Variants in COG8 observed in about 807,000 individuals in gnomAD.
COG8 encodes conserved oligomeric Golgi complex subunit 8.
In COG8, 45 loss-of-function variants were observed where a neutral mutation model predicts 46.5. The observed-to-expected ratio is 0.97, with a 90% CI of 0.76 to 1.24. COG8 has a LOEUF of 1.24. Ranked by LOEUF, COG8 falls within the 50% of genes most tolerant of loss-of-function variation. The pLI, the probability that COG8 is intolerant of heterozygous loss-of-function variation, is 0.00. For synonymous variants in COG8, 407 were observed against 347.8 expected, an observed-to-expected ratio of 1.17 and a Z score of -1.90; for missense variants, 793 against 820.8, an observed-to-expected ratio of 0.97 and a Z score of 0.41.
Position 69,330,865 on chromosome 16 carries a change from C to A in COG8, c.1813G>T (p.Ala605Ser). The A allele has an allele frequency of 6.5e-7, 1 of 1,543,704 alleles. No homozygotes were observed. Among genetic ancestry groups the A allele is most frequent in the Non-Finnish European group, 8.7e-7 (1 of 1,145,492 alleles). ...TAGGGCCCCACGCTGGGCGGTTCGGCCTGCGTCTCCGCTCGCCCTCCCTCC... is the reference window on the plus strand; with the variant it reads ...TAGGGCCCCACGCTGGGCGGTTCGGACTGCGTCTCCGCTCGCCCTCCCTCC... Reference protein sequence around the residue: ...CPEGGRAETQAEPPSVGP With the variant: ...CPEGGRAETQSEPPSVGP The change falls in exon 5 of 6, where the codon GCC becomes TCC. Residue 605 changes from alanine to serine, a missense_variant. Coordinates refer to ENST00000306875, the MANE Select transcript of COG8 (RefSeq NM_032382.5).
At position 69,330,891 on chromosome 16, in the gene COG8, G is replaced by A. The variant is rs1452062832; in HGVS notation, c.1787C>T (p.Pro596Leu). ...PRLEPAGPAC[P>L]EGGRAETQAE... ...CTGCGTCTCCGCTCGCCCTCCCTCCGGGCAGGCTGGGCCCGCGGGCTCCAG... is the reference window on the plus strand; with the variant it reads ...CTGCGTCTCCGCTCGCCCTCCCTCCAGGCAGGCTGGGCCCGCGGGCTCCAG... Residue 596 changes from proline (P) to leucine (L), a missense_variant, in exon 5 of 6, where the codon CCG becomes CTG. Physicochemically the swap from Pro to Leu is moderately conservative, Grantham distance 98. Transcript: ENST00000306875. 8 of 1,549,422 alleles carry A rather than the reference G, an allele frequency of 5.2e-6. No individual in the cohort carries two copies. The highest frequency in any genetic ancestry group is 1.2e-5 in the South Asian group (1 of 84,222).
At position 69,330,354 on chromosome 16, in the gene COG8, G is replaced by A. The variant is rs1046093512; in HGVS notation, c.*26+459C>T. The A allele has an allele frequency of 1.1e-5, 16 of 1,474,992 alleles. No individual in the cohort carries two copies. The highest frequency in any genetic ancestry group is 2.6e-5 in the South Asian group (2 of 78,072). 91.4% of individuals were successfully genotyped at this position (1,474,992 alleles called of 1,614,324 possible). On this transcript the variant is annotated intron_variant, in intron 5 of 5. Transcript: ENST00000306875. ...GGGGCCGCCACGCCGCGCAGCACCG[G>A]GTCCCCGACTTGGCACACGTGCGAG...
intron 5 of COG8, chr16:69,330,411 G>A (rs1321076928): frequency 4.1e-6 from 6 of 1,476,856 alleles, no homozygotes; most frequent in Admixed American, 4.7e-5. Context: ...AGCACCAGAC[G>A]CCTCAGGTGG....
In COG8 at chr16:69,330,862, C is replaced by T. The variant is rs915002204; in HGVS notation, c.1816G>A (p.Glu606Lys). Residue 606 changes from glutamate to lysine, a missense_variant, in exon 5 of 6, where the codon GAA (glutamate) becomes AAA (lysine). Physicochemically the swap from Glu to Lys is moderately conservative, Grantham distance 56. Coordinates refer to ENST00000306875, the MANE Select transcript of COG8 (RefSeq NM_032382.5). Reference protein sequence around the residue: ...PEGGRAETQAEPPSVGP With the variant: ...PEGGRAETQAKPPSVGP ...GGCTAGGGCCCCACGCTGGGCGGTTCGGCCTGCGTCTCCGCTCGCCCTCCC... is the reference window on the plus strand; with the variant it reads ...GGCTAGGGCCCCACGCTGGGCGGTTTGGCCTGCGTCTCCGCTCGCCCTCCC... 1.3e-6 allele frequency: 2 copies of T among 1,542,764 alleles called. No homozygotes were observed. Among genetic ancestry groups the T allele is most frequent in the Middle Eastern group, 1.9e-4 (1 of 5,224 alleles).
chr16:69,330,544 A>T lies in COG8; in HGVS notation c.*26+269T>A, dbSNP rs755417363. The T allele has an allele frequency of 4.1e-6, 6 of 1,475,924 alleles. No individual in the cohort carries two copies. The South Asian group carries it at 7.7e-5, about 19-fold the overall frequency. 91.4% of individuals were successfully genotyped at this position (1,475,924 alleles called of 1,614,324 possible). On this transcript the variant is annotated intron_variant, in intron 5 of 5. Transcript: ENST00000306875. ...GCACGGCCGCCCACAGTGGCCAAAG[A>T]CTCAGCGCGCCCCACAGCCGGGCCA...
chr16:69,335,402 C>T, intron 2 of COG8, 54 bp from the exon 3 acceptor site: 3 of 1,418,810 alleles, frequency 2.1e-6, no homozygotes, highest in Non-Finnish European at 9.6e-7. Context: ...TCTCTAGAAC[C>T]CATTCCCCTA....
rs1371737115 is a variant in COG8, at chr16:69,329,061, C to T, written c.*145G>A. 7 of 1,612,014 alleles carry T rather than the reference C, an allele frequency of 4.3e-6. No individual in the cohort carries two copies. The highest frequency in any genetic ancestry group is 1.1e-5 in the South Asian group (1 of 90,792). ...TCATCCAATAGACGTTTGTGAACGT[C>T]CTGCTGTCCATTTTGTCAATAAACA... On this transcript the variant is annotated 3_prime_UTR_variant, in exon 6 of 6. Coordinates refer to ENST00000306875, the MANE Select transcript of COG8 (RefSeq NM_032382.5).
At chr16:69,337,870 G>A (rs1344648549) in intron 1 of COG8, among the ~76,000 whole-genome samples, 4 of 152,020 alleles carry the variant, frequency 2.6e-5, no homozygotes, top group African/African-American at 7.3e-5. Flanking sequence ...CGAGTAGCTG[G>A]GACTACAAGC....
At chr16:69,336,851 T>C in intron 1 of COG8, 139 bp from the exon 2 acceptor site, 1 of 784,642 alleles carries the variant, frequency 1.3e-6, no homozygotes. Flanking sequence ...AAGGTAAGTA[T>C]TATTACAATT....
At chr16:69,332,649 G>C (rs1348345880) in intron 4 of COG8, 65 bp downstream of exon 4, 1 of 1,395,528 alleles carries the variant, frequency 7.2e-7, no homozygotes, top group Admixed American at 1.7e-5. Context: ...TACACAAATG[G>C]ATGAATTATT....
chr16:69,334,587 C>A lies in COG8; in HGVS notation c.1347G>T (p.Leu449=), dbSNP rs2012078231. The A allele has an allele frequency of 1.2e-6, 2 of 1,614,068 alleles. No individual in the cohort carries two copies. Among genetic ancestry groups the A allele is most frequent in the African/African-American group, 2.7e-5 (2 of 74,920 alleles). The change falls in exon 3 of 6, where the codon CTG becomes CTT. Residue 449 remains leucine, a synonymous_variant. Coordinates refer to ENST00000306875, the MANE Select transcript of COG8 (RefSeq NM_032382.5). ...LNNILVAFND[L]RLCCPVALAQ... is the part of the protein sequence containing the mutation. ...CCAGGGCCACAGGGCAGCAGAGGCGCAGATCATTGAAGGCAACCAGAATAT... is the reference window on the plus strand; with the variant it reads ...CCAGGGCCACAGGGCAGCAGAGGCGAAGATCATTGAAGGCAACCAGAATAT...
intron 5 of COG8, chr16:69,330,445 C>G: frequency 1.4e-6 from 2 of 1,473,898 alleles, no homozygotes; most frequent in Non-Finnish European, 1.8e-6. Flanking sequence ...GCCGCAGCGC[C>G]GGGCCCTCGA....
intron 5 of COG8, among the ~76,000 whole-genome samples, chr16:69,329,422 GA>G (rs1965711674): frequency 1.3e-5 from 2 of 152,238 alleles, no homozygotes; most frequent in South Asian, 4.1e-4. Context: ...GCTGAGATGA[GA>G]AATCATCTTT....
chr16:69,339,101 G>A, intron 1 of COG8, 75 bp downstream of exon 1: 2 of 1,599,852 alleles, frequency 1.3e-6, no homozygotes, highest in East Asian at 2.2e-5. Flanking sequence ...AACGCTTTAT[G>A]TGTTAGTTAT....
chr16:69,330,443 GC>G (rs1261726584), intron 5 of COG8: 17 of 1,473,980 alleles, frequency 1.2e-5, no homozygotes, highest in Non-Finnish European at 1.5e-5. Flanking sequence ...GCGCCGCAGC[GC>G]CGGGCCCTCG....
rs776707638 is a variant in COG8 at position 69,335,317 on chromosome 16, T to C, written c.617A>G (p.Gln206Arg). Residue 206 changes from glutamine (Q) to arginine (R), a missense_variant, in exon 3 of 6, where the codon CAG becomes CGG. By Grantham distance (43) the Gln-to-Arg change is conservative. Transcript: ENST00000306875. Reference sequence around the variant, plus strand: ...CTGGATCAGCTGGCTCAGCATCAGCTGCATGGACTGGCGCACTTCGTTCAC... The same window carrying C: ...CTGGATCAGCTGGCTCAGCATCAGCCGCATGGACTGGCGCACTTCGTTCAC... ...GIVNEVRQSM[Q>R]LMLSQLIQQL... 2 of 1,607,732 alleles carry C rather than the reference T, an allele frequency of 1.2e-6. No homozygotes were observed. The highest frequency in any genetic ancestry group is 3.4e-5 in the Admixed American group (2 of 59,536).
At position 69,339,538 on chromosome 16, in the gene COG8, C is replaced by G. The variant is rs751302354; in HGVS notation, c.15G>C (p.Ala5=). 3.1e-6 allele frequency: 5 copies of G among 1,608,598 alleles called. No homozygotes were observed. Among genetic ancestry groups the G allele is most frequent in the Admixed American group, 1.7e-5 (1 of 59,994 alleles). ...TGGCCGTGGCTACCGATGGGATAGTCGCCGCGGTCGCCATCTTCCCAGCAA... is the reference window on the plus strand; with the variant it reads ...TGGCCGTGGCTACCGATGGGATAGTGGCCGCGGTCGCCATCTTCCCAGCAA... The part of the protein sequence containing the change: MATA[A]TIPSVATATA... Residue 5 remains alanine (A), a synonymous_variant, in exon 1 of 6, where the codon GCG becomes GCC. Transcript: ENST00000306875.
chr16:69,333,850 AAAAAT>A (rs1322427454), intron 3 of COG8, among the ~76,000 whole-genome samples: 1 of 152,098 alleles, frequency 6.6e-6, no homozygotes, highest in African/African-American at 2.4e-5. Flanking sequence ...TTTTAACAAT[AAAAAT>A]AAAAGAATAT....
At chr16:69,333,778 C>A (rs537047288) in intron 3 of COG8, among the ~76,000 whole-genome samples, 1 of 152,228 alleles carries the variant, frequency 6.6e-6, no homozygotes, top group African/African-American at 2.4e-5. Flanking sequence ...CACTTGAGTC[C>A]AGGAGTTTGA....
Sources: gnomAD v4.1 joint callset for allele counts (sites outside exome capture counted in the v4.1 genomes callset) on GRCh38, gnomAD v4.1.1 for gene constraint, MANE v1.5 for transcripts, NCBI Gene and HGNC (gene_info 2026-07-23, HGNC 2026-07-21) for gene names.